SLC24A2: variants seen among roughly 807,000 people sequenced by gnomAD.
SLC24A2 encodes the protein solute carrier family 24 member 2.
A neutral mutation model predicts 62.0 loss-of-function variants in SLC24A2; 36 were observed. The observed-to-expected ratio is 0.58, with a 90% CI of 0.44 to 0.77. The LOEUF (loss-of-function observed/expected upper bound fraction) is 0.77. SLC24A2 is among the 30% of genes least tolerant of loss of function. The pLI is 0.00. For synonymous variants in SLC24A2, 358 were observed against 294.0 expected (o/e 1.22, Z -2.23); for missense variants, 846 against 817.9 (o/e 1.03, Z -0.42).
At chr9:20,168,447 T>A in the SLC24A2 span, among the ~76,000 whole-genome samples, 1 of 151,824 alleles carries the variant, frequency 6.6e-6, no homozygotes, top group African/African-American at 2.4e-5. Context: ...AGAAAATATT[T>A]AAAAATCATG....
rs772720301 is a variant in SLC24A2 at position 19,516,127 on chromosome 9, G to C, written c.*26C>G. The C allele has an allele frequency of 1.2e-5, 20 of 1,613,718 alleles. No individual in the cohort carries two copies. In the South Asian group the frequency reaches 2.0e-4, roughly 16 times the overall value. On this transcript the variant is annotated 3_prime_UTR_variant, in exon 11 of 11. Transcript: ENST00000341998. Reference sequence around the variant, plus strand: ...AGAGTGTGGAGGGACCATTCATGCTGCTGGTGCAAGATATGGCTTTTCCTG... The same window carrying C: ...AGAGTGTGGAGGGACCATTCATGCTCCTGGTGCAAGATATGGCTTTTCCTG...
chr9:19,635,001 G>A (rs1818275542), intron 2 of SLC24A2, among the ~76,000 whole-genome samples: 1 of 152,152 alleles, frequency 6.6e-6, no homozygotes, highest in Admixed American at 6.5e-5. Context: ...TAAAAATTCT[G>A]GTTCCAGACA....
intron 2 of SLC24A2, among the ~76,000 whole-genome samples, chr9:19,711,085 G>A (rs1820701954): frequency 6.6e-6 from 1 of 152,228 alleles, no homozygotes; most frequent in South Asian, 2.1e-4. Context: ...GTGCTTAGCA[G>A]TTCTGTAAGT....
chr9:19,966,212 A>G, the SLC24A2 span, among the ~76,000 whole-genome samples: 2 of 152,086 alleles, frequency 1.3e-5, no homozygotes, highest in African/African-American at 4.8e-5. Context: ...ATCAAACAGG[A>G]TATTTTTGTG....
At chr9:19,918,155 T>C in the SLC24A2 span, among the ~76,000 whole-genome samples, 1 of 151,854 alleles carries the variant, frequency 6.6e-6, no homozygotes, top group South Asian at 2.1e-4. Flanking sequence ...TGTGTGTGTG[T>C]GTGTGTGTGT....
the SLC24A2 span, among the ~76,000 whole-genome samples, chr9:20,016,221 T>C: frequency 9.9e-5 from 15 of 152,214 alleles, no homozygotes; most frequent in South Asian, 2.1e-4. Flanking sequence ...TTTAGCTTGA[T>C]TGTACTGTAT....
chr9:20,093,061 G>GT, the SLC24A2 span, among the ~76,000 whole-genome samples: 16 of 151,288 alleles, frequency 1.1e-4, no homozygotes, highest in African/African-American at 3.4e-4. Context: ...TATTTTCAGG[G>GT]TTTTTTTGTT....
Position 19,604,542 on chromosome 9 carries a change from T to C in SLC24A2, c.1079-7263A>G, listed in dbSNP as rs146554861. On this transcript the variant is annotated intron_variant, in intron 4 of 10. Transcript: ENST00000341998. ...TGCTAATTTATATCCAGCTATTGGG[T>C]CAGCAAAGCCGAGTTTCTACCCTCT... is the stretch of plus-strand genomic sequence containing the variant. 4.9e-3 allele frequency among the ~76,000 whole-genome samples: 753 copies of C among 152,232 alleles called. 5 individuals are homozygous for C. The highest frequency in any genetic ancestry group is 0.037 in the Middle Eastern group (11 of 294).
intron 7 of SLC24A2, among the ~76,000 whole-genome samples, chr9:19,569,413 A>G (rs1012893093): frequency 4.6e-5 from 7 of 152,180 alleles, no homozygotes; most frequent in African/African-American, 1.7e-4. Flanking sequence ...CAAATCTGAC[A>G]CTGCCACTGC....
At chr9:19,658,667 T>C (rs1819008794) in intron 2 of SLC24A2, among the ~76,000 whole-genome samples, 1 of 152,202 alleles carries the variant, frequency 6.6e-6, no homozygotes, top group Non-Finnish European at 1.5e-5. Flanking sequence ...GGCCAACATT[T>C]AGGTGTTGAA....
chr9:19,777,777 A>C (rs1822887800), intron 2 of SLC24A2, among the ~76,000 whole-genome samples: 1 of 152,172 alleles, frequency 6.6e-6, no homozygotes, highest in Admixed American at 6.5e-5. Context: ...CTATATGCGA[A>C]AATGTGCATA....
At chr9:20,120,209 T>A in the SLC24A2 span, among the ~76,000 whole-genome samples, 1 of 152,166 alleles carries the variant, frequency 6.6e-6, no homozygotes, top group Non-Finnish European at 1.5e-5. Flanking sequence ...TTTGATTGGG[T>A]AAATGTATCA....
intron 2 of SLC24A2, among the ~76,000 whole-genome samples, chr9:19,663,220 A>G (rs1268615535): frequency 2.0e-5 from 3 of 152,178 alleles, no homozygotes; most frequent in Non-Finnish European, 4.4e-5. Context: ...AGAGGTCAGG[A>G]GACTTGCTCA....
chr9:20,208,367 C>A, the SLC24A2 span, among the ~76,000 whole-genome samples: 6 of 152,182 alleles, frequency 3.9e-5, no homozygotes, highest in African/African-American at 1.4e-4. Context: ...GCTGAAGCAG[C>A]CCAGAGCTAA....
rs563082382 is a variant in SLC24A2, at chr9:19,708,196, A to T, written c.930+77741T>A. On this transcript the variant is annotated intron_variant, in intron 2 of 10. Transcript: ENST00000341998. ...TGAAATACCTAGGAATCCAACTTAC[A>T]GGGGATGTGAAGGACCTCTTCAAGC... Among the ~76,000 whole-genome samples the T allele has an allele frequency of 1.3e-3, 203 of 152,328 alleles. 1 individual carries two copies. The highest frequency in any genetic ancestry group is 4.6e-3 in the African/African-American group (192 of 41,572).
At chr9:19,619,553 A>G in intron 4 of SLC24A2, 31 bp downstream of exon 4, 3 of 1,546,326 alleles carry the variant, frequency 1.9e-6, no homozygotes, top group Non-Finnish European at 2.7e-6. Context: ...TTCCCCCCAA[A>G]CAAGTTCCCA....
At chr9:19,659,999 A>G (rs1323649402) in intron 2 of SLC24A2, among the ~76,000 whole-genome samples, 2 of 152,184 alleles carry the variant, frequency 1.3e-5, no homozygotes, top group Admixed American at 6.5e-5. Flanking sequence ...GACTTTTTTG[A>G]ATACAAATAG....
chr9:19,754,911 T>G (rs1400135459), intron 2 of SLC24A2, among the ~76,000 whole-genome samples: 2 of 152,118 alleles, frequency 1.3e-5, no homozygotes, highest in Non-Finnish European at 2.9e-5. Context: ...CCACAGGCCT[T>G]TCAATGATTT....
chr9:19,512,837 T>C lies in SLC24A2; in HGVS notation c.*3316A>G, dbSNP rs1216930646. 1 of 152,172 alleles carries C rather than the reference T, an allele frequency of 6.6e-6. No homozygotes were observed. Among genetic ancestry groups the C allele is most frequent in the African/African-American group, 2.4e-5 (1 of 41,450 alleles). 9.4% of individuals were successfully genotyped at this position (152,172 alleles called of 1,614,324 possible). ...GTATCTGCAGTCTAAATTTTTGCTT[T>C]GTATTTTCTGTTGTGTATTCTTTGC... On this transcript the variant is annotated 3_prime_UTR_variant, in exon 11 of 11. Transcript: ENST00000341998.
Sources: allele counts gnomAD v4.1 joint callset (sites outside exome capture counted in the v4.1 genomes callset), GRCh38; gene constraint gnomAD v4.1.1; transcripts MANE v1.5; gene names NCBI Gene and HGNC (gene_info 2026-07-23, HGNC 2026-07-21).